Variants in ANKS1B observed in about 807,000 individuals in gnomAD.
ANKS1B encodes the protein ankyrin repeat and sterile alpha motif domain-containing protein 1B.
ANKS1B carries 36 observed loss-of-function variants against 148.3 expected under a neutral mutation model. The observed-to-expected ratio is 0.24, with a 90% confidence interval of 0.19 to 0.32. ANKS1B has a LOEUF of 0.32. Ranked by LOEUF, ANKS1B falls within the 10% of genes least tolerant of loss-of-function variation. ANKS1B has a pLI of 1.00. For missense variants in ANKS1B, 1,157 were observed against 1,542.6 expected (o/e 0.75, Z 4.19); for synonymous variants, 542 against 560.8 (o/e 0.97, Z 0.47).
intron 14 of ANKS1B, among the ~76,000 whole-genome samples, chr12:99,202,737 T>G (rs2082213023): frequency 6.6e-6 from 1 of 152,246 alleles, no homozygotes; most frequent in African/African-American, 2.4e-5. Flanking sequence ...CAACAAACAC[T>G]TTATTTCCTT....
chr12:98,868,557 TGACG>T (rs2099637243), intron 17 of ANKS1B, among the ~76,000 whole-genome samples: 1 of 152,230 alleles, frequency 6.6e-6, no homozygotes, highest in South Asian at 2.1e-4. Flanking sequence ...GTTGATGACA[TGACG>T]AATTGCCCCC....
intron 17 of ANKS1B, among the ~76,000 whole-genome samples, chr12:98,901,772 C>T (rs1301356071): frequency 2.6e-5 from 4 of 152,148 alleles, no homozygotes; most frequent in African/African-American, 7.2e-5. Flanking sequence ...AGGAGTCCCA[C>T]GAGTTAGGCA....
At chr12:98,855,094 G>A (rs965929470) in intron 17 of ANKS1B, among the ~76,000 whole-genome samples, 1 of 150,744 alleles carries the variant, frequency 6.6e-6, no homozygotes, top group South Asian at 2.1e-4. Context: ...GGGAAGCGGA[G>A]CTTGCAGTGA....
intron 4 of ANKS1B, among the ~76,000 whole-genome samples, chr12:99,799,224 T>C (rs1386764592): frequency 6.6e-6 from 1 of 152,098 alleles, no homozygotes; most frequent in African/African-American, 2.4e-5. Flanking sequence ...TTTAACTGCT[T>C]CTTTACAGAC....
intron 17 of ANKS1B, among the ~76,000 whole-genome samples, chr12:99,015,994 A>T (rs2099942316): frequency 1.3e-5 from 2 of 152,214 alleles, no homozygotes; most frequent in Non-Finnish European, 2.9e-5. Context: ...ATTAAATAGG[A>T]GAAAAAATTT....
At chr12:99,869,050 C>G (rs1473003699) in intron 1 of ANKS1B, among the ~76,000 whole-genome samples, 3 of 151,934 alleles carry the variant, frequency 2.0e-5, no homozygotes, top group Non-Finnish European at 4.4e-5. Context: ...AAATGAGAGT[C>G]TGTCTCAAAA....
At chr12:98,889,644 C>G (rs941861804) in intron 17 of ANKS1B, among the ~76,000 whole-genome samples, 2 of 152,226 alleles carry the variant, frequency 1.3e-5, no homozygotes, top group Non-Finnish European at 2.9e-5. Flanking sequence ...CCACACTTGG[C>G]TTCAGGGCAT....
chr12:99,894,243 A>T (rs1328230694), intron 1 of ANKS1B, among the ~76,000 whole-genome samples: 1 of 135,840 alleles, frequency 7.4e-6, no homozygotes, highest in African/African-American at 2.7e-5. Flanking sequence ...ACATAGGGAG[A>T]CCCCCATCTC....
chr12:98,881,189 T>C (rs1279769771), intron 17 of ANKS1B, among the ~76,000 whole-genome samples: 1 of 152,226 alleles, frequency 6.6e-6, no homozygotes, highest in Non-Finnish European at 1.5e-5. Context: ...CACTGTAGTA[T>C]AAATAAATTA....
chr12:99,625,452 T>G (rs1285295792), intron 9 of ANKS1B, among the ~76,000 whole-genome samples: 1 of 152,160 alleles, frequency 6.6e-6, no homozygotes, highest in East Asian at 1.9e-4. Context: ...GCTTATTTCT[T>G]TACTTGCCAT....
intron 1 of ANKS1B, among the ~76,000 whole-genome samples, chr12:99,878,850 T>A (rs1295313823): frequency 6.6e-6 from 1 of 152,162 alleles, no homozygotes; most frequent in Non-Finnish European, 1.5e-5. Flanking sequence ...TATTTTATGG[T>A]TGCAAAATCT....
intron 26 of ANKS1B, among the ~76,000 whole-genome samples, chr12:98,749,143 G>C (rs1368354405): frequency 1.3e-5 from 2 of 152,042 alleles, no homozygotes; most frequent in African/African-American, 4.8e-5. Context: ...CTGTCGCCCA[G>C]GCTGGAGTGC....
At chr12:98,812,990 C>A (rs563945768) in intron 19 of ANKS1B, among the ~76,000 whole-genome samples, 2 of 152,256 alleles carry the variant, frequency 1.3e-5, no homozygotes, top group African/African-American at 4.8e-5. Context: ...TGAAATGGCT[C>A]TTCTCCTAGA....
chr12:99,547,420 C>T (rs2097181114), intron 9 of ANKS1B, among the ~76,000 whole-genome samples: 1 of 151,906 alleles, frequency 6.6e-6, no homozygotes, highest in Non-Finnish European at 1.5e-5. Context: ...AAAAAAGAAA[C>T]AGGAGGAATA....
At chr12:98,891,934 A>G (rs773023325) in intron 17 of ANKS1B, among the ~76,000 whole-genome samples, 1 of 152,246 alleles carries the variant, frequency 6.6e-6, no homozygotes, top group Non-Finnish European at 1.5e-5. Context: ...ACTTGTAAAT[A>G]TTAACCAAGT....
At chr12:99,573,478 A>G (rs1177280494) in intron 9 of ANKS1B, among the ~76,000 whole-genome samples, 1 of 152,058 alleles carries the variant, frequency 6.6e-6, no homozygotes, top group Non-Finnish European at 1.5e-5. Context: ...AATAATTTAG[A>G]ATTTATAGTG....
At chr12:99,037,992 G>A (rs892583445) in intron 17 of ANKS1B, among the ~76,000 whole-genome samples, 2 of 152,248 alleles carry the variant, frequency 1.3e-5, no homozygotes, top group African/African-American at 4.8e-5. Context: ...ACTCCAGGCC[G>A]GCTGCTTGAT....
intron 25 of ANKS1B, among the ~76,000 whole-genome samples, chr12:98,759,604 T>C (rs960177626): frequency 2.0e-5 from 3 of 152,210 alleles, no homozygotes; most frequent in African/African-American, 7.2e-5. Flanking sequence ...ATCACTAAGA[T>C]TTTTGTTTCT....
chr12:99,753,900 G>A (rs968436280), intron 8 of ANKS1B, among the ~76,000 whole-genome samples: 1 of 152,112 alleles, frequency 6.6e-6, no homozygotes, highest in Middle Eastern at 3.4e-3. Flanking sequence ...CTGGGCACCT[G>A]TAATCCCAGC....
Sources: gnomAD v4.1 joint callset for allele counts (sites outside exome capture counted in the v4.1 genomes callset) on GRCh38, gnomAD v4.1.1 for gene constraint, MANE v1.5 for transcripts, NCBI Gene and HGNC (gene_info 2026-07-23, HGNC 2026-07-21) for gene names.